The following SLC66A3 variants were observed in gnomAD, a reference collection of about 807,000 sequenced individuals.
SLC66A3 encodes solute carrier family 66 member 3.
In SLC66A3, 23 loss-of-function variants were observed where a neutral mutation model predicts 25.5. That is an observed-to-expected ratio of 0.90 (90% CI 0.65 to 1.28). The LOEUF (loss-of-function observed/expected upper bound fraction) is 1.28, where lower values mean the gene tolerates loss of function less well. SLC66A3 is among the 50% of genes most tolerant of loss of function. The pLI, the probability that SLC66A3 is intolerant of heterozygous loss-of-function variation, is 0.00. For missense variants in SLC66A3, 246 were observed against 262.1 expected, an observed-to-expected ratio of 0.94 and a Z score of 0.42; for synonymous variants, 108 against 112.6, an observed-to-expected ratio of 0.96 and a Z score of 0.26.
chr2:11,157,430 T>C (rs1166408875), intron 1 of SLC66A3, among the ~76,000 whole-genome samples: 1 of 152,264 alleles, frequency 6.6e-6, no homozygotes, highest in Non-Finnish European at 1.5e-5. Context: ...TAAAATGGGC[T>C]TGGCTGTGTC....
chr2:11,168,615 C>T (rs1034527657), intron 4 of SLC66A3, among the ~76,000 whole-genome samples: 4 of 152,156 alleles, frequency 2.6e-5, no homozygotes, highest in African/African-American at 9.7e-5. Flanking sequence ...CCCGCCGAGC[C>T]TGTGTTCTGG....
chr2:11,167,858 A>AT (rs561135412), intron 4 of SLC66A3, among the ~76,000 whole-genome samples: 68 of 152,214 alleles, frequency 4.5e-4, no homozygotes, highest in Non-Finnish European at 4.4e-4. Context: ...AGAATGTTCC[A>AT]TTTTTTTGGC....
At chr2:11,156,909 GAC>G (rs1286815118) in intron 1 of SLC66A3, among the ~76,000 whole-genome samples, 1 of 152,184 alleles carries the variant, frequency 6.6e-6, no homozygotes, top group Non-Finnish European at 1.5e-5. Context: ...TGTGGCAAAG[GAC>G]ACAGGCTGGA....
At chr2:11,172,725 A>G in intron 5 of SLC66A3, 1 of 431,154 alleles carries the variant, frequency 2.3e-6, no homozygotes, top group South Asian at 1.7e-5. Flanking sequence ...TAAAATCAAG[A>G]CTTTCTTTCT....
At chr2:11,159,972 C>A (rs1278020009) in intron 1 of SLC66A3, among the ~76,000 whole-genome samples, 1 of 152,222 alleles carries the variant, frequency 6.6e-6, no homozygotes, top group African/African-American at 2.4e-5. Flanking sequence ...AGGTGCTGTT[C>A]TAACTCTAAA....
At chr2:11,167,731 C>G (rs1459418866) in intron 4 of SLC66A3, among the ~76,000 whole-genome samples, 1 of 152,046 alleles carries the variant, frequency 6.6e-6, no homozygotes, top group Non-Finnish European at 1.5e-5. Flanking sequence ...ATCTGAGGGT[C>G]GTGGAGCCCC....
intron 4 of SLC66A3, among the ~76,000 whole-genome samples, chr2:11,168,081 C>A (rs1662411154): frequency 6.6e-6 from 1 of 152,082 alleles, no homozygotes. Flanking sequence ...GAGATCAAGA[C>A]CATCCTGGCT....
chr2:11,170,442 C>T (rs1302757566), intron 4 of SLC66A3, among the ~76,000 whole-genome samples: 6 of 152,170 alleles, frequency 3.9e-5, no homozygotes, highest in Non-Finnish European at 8.8e-5. Context: ...TCTTACCTCA[C>T]TGTATAGCAG....
chr2:11,174,641 C>T (rs1266555876), intron 5 of SLC66A3, among the ~76,000 whole-genome samples: 2 of 151,652 alleles, frequency 1.3e-5, no homozygotes, highest in South Asian at 2.1e-4. Context: ...GGATTACAGG[C>T]GCCCGCCACT....
At chr2:11,158,818 CAA>C (rs35924472) in intron 1 of SLC66A3, among the ~76,000 whole-genome samples, 3 of 151,482 alleles carry the variant, frequency 2.0e-5, no homozygotes, top group Admixed American at 2.0e-4. Flanking sequence ...GACTCCATCT[CAA>C]AAAAAAAGAA....
chr2:11,164,345 A>ATATT, intron 4 of SLC66A3, 84 bp downstream of exon 4: 36,530 of 93,274 alleles, frequency 0.39, 8,508 homozygotes, highest in East Asian at 0.65. Context: ...ATATATATAT[A>ATATT]TTTTTTTTTT....
chr2:11,168,273 A>C (rs1192556104), intron 4 of SLC66A3, among the ~76,000 whole-genome samples: 1 of 149,114 alleles, frequency 6.7e-6, no homozygotes, highest in African/African-American at 2.5e-5. Flanking sequence ...TGACAGCAAG[A>C]CTCTGTCTGA....
intron 4 of SLC66A3, among the ~76,000 whole-genome samples, chr2:11,164,652 G>T (rs1662252444): frequency 6.6e-6 from 1 of 151,418 alleles, no homozygotes; most frequent in South Asian, 2.1e-4. Flanking sequence ...GTGAACAAAG[G>T]TCTCTGGTTT....
chr2:11,169,833 C>CTTTTT (rs1369612743), intron 4 of SLC66A3, among the ~76,000 whole-genome samples: 81 of 66,710 alleles, frequency 1.2e-3, no homozygotes, highest in African/African-American at 4.9e-3. Flanking sequence ...CCCTGGATTT[C>CTTTTT]TCTCTTTTTT....
At chr2:11,176,045 G>C (rs1266068707) in intron 6 of SLC66A3, among the ~76,000 whole-genome samples, 1 of 152,114 alleles carries the variant, frequency 6.6e-6, no homozygotes, top group African/African-American at 2.4e-5. Context: ...GACAGGCTTG[G>C]GTCTTTCCAC....
At chr2:11,161,303 C>T (rs529754280) in intron 3 of SLC66A3, among the ~76,000 whole-genome samples, 13 of 150,022 alleles carry the variant, frequency 8.7e-5, no homozygotes, top group African/African-American at 2.2e-4. Context: ...TATTTTGAGA[C>T]GGTCTCGCTC....
chr2:11,161,604 G>T (rs1467351735), intron 3 of SLC66A3, among the ~76,000 whole-genome samples: 1 of 152,022 alleles, frequency 6.6e-6, no homozygotes, highest in Non-Finnish European at 1.5e-5. Flanking sequence ...CTGCAGCCTT[G>T]AACTTCTGGG....
Position 11,178,040 on chromosome 2 carries a change from G to A in SLC66A3, c.*212G>A. On this transcript the variant is annotated 3_prime_UTR_variant, in exon 7 of 7. Transcript: ENST00000295083. ...TCCTTCCTCACTTCGTTAGGTTATG[G>A]TAGTGCTCAGACATCTGCAGTGTTG... The A allele has an allele frequency of 2.0e-6, 1 of 509,258 alleles. No homozygotes were observed. The highest frequency in any genetic ancestry group is 3.5e-6 in the Non-Finnish European group (1 of 288,564). The allele number at this position is 509,258 out of a possible 1,614,324, so 31.5% of individuals were successfully genotyped here. A position where few individuals can be genotyped will look rare whatever the true frequency, so the allele number is the denominator to read the frequency against.
intron 4 of SLC66A3, among the ~76,000 whole-genome samples, chr2:11,164,530 T>A (rs530475449): frequency 4.7e-4 from 71 of 150,214 alleles, no homozygotes; most frequent in Non-Finnish European, 8.7e-4. Flanking sequence ...AATTGATTCA[T>A]TTTTGTTTTC....
Sources: gnomAD v4.1 joint callset for allele counts (sites outside exome capture counted in the v4.1 genomes callset) on GRCh38, gnomAD v4.1.1 for gene constraint, MANE v1.5 for transcripts, NCBI Gene and HGNC (gene_info 2026-07-23, HGNC 2026-07-21) for gene names.